Variants in NAALADL2 observed in about 807,000 individuals in gnomAD.
NAALADL2 encodes inactive N-acetylated-alpha-linked acidic dipeptidase-like protein 2.
A neutral mutation model predicts 87.2 loss-of-function variants in NAALADL2; 76 were observed. That is an observed-to-expected ratio of 0.87 (90% CI 0.72 to 1.05). NAALADL2 has a LOEUF of 1.05. Ranked by LOEUF, NAALADL2 falls within the 50% of genes least tolerant of loss-of-function variation. NAALADL2 has a pLI of 0.00. For missense variants in NAALADL2, 1,089 were observed against 945.8 expected, an observed-to-expected ratio of 1.15 and a Z score of -1.99; for synonymous variants, 354 against 331.0, an observed-to-expected ratio of 1.07 and a Z score of -0.75.
At chr3:174,762,164 C>CT (rs991852054) in intron 3 of NAALADL2, among the ~76,000 whole-genome samples, 3 of 148,960 alleles carry the variant, frequency 2.0e-5, no homozygotes, top group African/African-American at 7.4e-5. Context: ...CGTTTTCTTG[C>CT]TTTTTTTTCT....
At chr3:175,225,457 C>A (rs912732235) in intron 2 of NAALADL2, among the ~76,000 whole-genome samples, 3 of 151,968 alleles carry the variant, frequency 2.0e-5, no homozygotes, top group Non-Finnish European at 4.4e-5. Flanking sequence ...AAGACTACTA[C>A]CTGTCTTTTA....
chr3:175,671,693 AAG>A (rs1403408915), intron 11 of NAALADL2, among the ~76,000 whole-genome samples: 1 of 152,040 alleles, frequency 6.6e-6, no homozygotes, highest in African/African-American at 2.4e-5. Context: ...TTAGGAAAAA[AAG>A]AGAACCTCTT....
rs1309737798 is a variant in NAALADL2 at position 174,654,896 on chromosome 3, C to T, written c.-114-82745C>T. ...GACTACAGGCGCCCACCACCATGCC[C>T]GCCTAATTTTTTGTATTTTTAGTAG... On this transcript the variant is annotated intron_variant, in intron 2 of 3. Transcript: ENST00000434257. 8.6e-5 allele frequency among the ~76,000 whole-genome samples: 13 copies of T among 151,958 alleles called. No homozygotes were observed. The East Asian group carries it at 1.2e-3, about 14-fold the overall frequency.
At chr3:174,650,754 TG>T (rs1724278009) in intron 2 of NAALADL2, among the ~76,000 whole-genome samples, 1 of 151,542 alleles carries the variant, frequency 6.6e-6, no homozygotes, top group African/African-American at 2.4e-5. Flanking sequence ...CATATTAGGA[TG>T]TAGAATATGA....
At chr3:174,560,106 A>G (rs941938718) in intron 2 of NAALADL2, among the ~76,000 whole-genome samples, 1 of 152,092 alleles carries the variant, frequency 6.6e-6, no homozygotes, top group East Asian at 1.9e-4. Context: ...GTGTGGATCA[A>G]TGAGGTTCTT....
At chr3:175,233,498 A>G (rs947336234) in intron 2 of NAALADL2, among the ~76,000 whole-genome samples, 1 of 152,082 alleles carries the variant, frequency 6.6e-6, no homozygotes, top group Non-Finnish European at 1.5e-5. Context: ...CTGGTATGCA[A>G]TAGTTCCATC....
At chr3:175,001,000 C>G (rs950316348) in intron 1 of NAALADL2, among the ~76,000 whole-genome samples, 6 of 152,070 alleles carry the variant, frequency 3.9e-5, no homozygotes, top group Non-Finnish European at 5.9e-5. Context: ...AACTCCAGTC[C>G]CATTTATGGG....
Position 174,830,891 on chromosome 3 carries a change from T to C in NAALADL2, c.-9+93145T>C, listed in dbSNP as rs1560267517. On this transcript the variant is annotated intron_variant, in intron 3 of 3. Coordinates refer to the NAALADL2 transcript ENST00000434257. ...GCAATTGTGAATGGGAGTTCACTCA[T>C]GATTTGGCTCTCTGTTTGTCTGTTG... 4.0e-5 allele frequency among the ~76,000 whole-genome samples: 6 copies of C among 151,830 alleles called. No individual in the cohort carries two copies. In the South Asian group the frequency reaches 1.0e-3, roughly 26 times the overall value.
At chr3:175,517,917 C>A (rs1732108556) in intron 9 of NAALADL2, among the ~76,000 whole-genome samples, 1 of 152,030 alleles carries the variant, frequency 6.6e-6, no homozygotes, top group African/African-American at 2.4e-5. Flanking sequence ...TTACATAATG[C>A]GTGGGGAAGG....
intron 11 of NAALADL2, among the ~76,000 whole-genome samples, chr3:175,668,106 A>G (rs1733456214): frequency 1.3e-5 from 2 of 152,148 alleles, no homozygotes; most frequent in South Asian, 4.1e-4. Flanking sequence ...GAATTATTTC[A>G]TTAGGCAATA....
At chr3:175,737,443 G>A (rs913313961) in intron 12 of NAALADL2, 44 bp downstream of exon 12, 1 of 1,211,156 alleles carries the variant, frequency 8.3e-7, no homozygotes. Flanking sequence ...ATGAAAAATT[G>A]TTCAACTAAT....
intron 9 of NAALADL2, among the ~76,000 whole-genome samples, chr3:175,511,924 T>C (rs1384370356): frequency 3.9e-5 from 6 of 152,190 alleles, no homozygotes; most frequent in African/African-American, 1.4e-4. Flanking sequence ...CAATCAATAG[T>C]CCTGTCTACT....
intron 1 of NAALADL2, among the ~76,000 whole-genome samples, chr3:174,978,227 A>G (rs1363076044): frequency 6.6e-6 from 1 of 152,250 alleles, no homozygotes; most frequent in Non-Finnish European, 1.5e-5. Flanking sequence ...TGTGTTTAGA[A>G]AACATGGTGG....
At chr3:174,919,528 C>T (rs1734860782) in intron 1 of NAALADL2, among the ~76,000 whole-genome samples, 1 of 152,142 alleles carries the variant, frequency 6.6e-6, no homozygotes, top group African/African-American at 2.4e-5. Context: ...ATTCAGTCAT[C>T]TCTTCAGTCC....
At chr3:175,647,225 C>T (rs1002937584) in intron 11 of NAALADL2, among the ~76,000 whole-genome samples, 7 of 152,108 alleles carry the variant, frequency 4.6e-5, no homozygotes, top group Non-Finnish European at 8.8e-5. Flanking sequence ...GCAGAAGTCA[C>T]GTCTGCTATC....
intron 2 of NAALADL2, among the ~76,000 whole-genome samples, chr3:174,677,413 CT>C (rs1402396458): frequency 5.3e-5 from 8 of 152,036 alleles, no homozygotes; most frequent in African/African-American, 1.9e-4. Flanking sequence ...TATTGAGTTA[CT>C]TTTTATTCTG....
At chr3:175,008,214 C>G (rs1047872071) in intron 1 of NAALADL2, among the ~76,000 whole-genome samples, 2 of 151,612 alleles carry the variant, frequency 1.3e-5, no homozygotes, top group African/African-American at 2.4e-5. Flanking sequence ...CACTTCTATA[C>G]AAAAAAAATT....
intron 4 of NAALADL2, among the ~76,000 whole-genome samples, chr3:175,271,349 A>G (rs1752802125): frequency 6.6e-6 from 1 of 152,210 alleles, no homozygotes. Flanking sequence ...ATGGATTAGG[A>G]AAACGTGAAT....
intron 1 of NAALADL2, among the ~76,000 whole-genome samples, chr3:174,983,443 G>A (rs1745396061): frequency 6.6e-6 from 1 of 152,016 alleles, no homozygotes; most frequent in African/African-American, 2.4e-5. Context: ...AGTCCCAATG[G>A]GCTGCTATAA....
Sources: allele counts gnomAD v4.1 joint callset (sites outside exome capture counted in the v4.1 genomes callset), GRCh38; gene constraint gnomAD v4.1.1; transcripts MANE v1.5; gene names NCBI Gene and HGNC (gene_info 2026-07-23, HGNC 2026-07-21).